CHN2: variants seen among roughly 807,000 people sequenced by gnomAD.
CHN2 encodes the protein chimerin 2.
Under a neutral mutation model 56.3 loss-of-function variants are expected in CHN2, and 35 were observed. The observed-to-expected ratio is 0.62, with a 90% confidence interval of 0.47 to 0.82. The LOEUF is 0.82. Ranked by LOEUF, CHN2 falls within the 40% of genes least tolerant of loss-of-function variation. The pLI, the probability that CHN2 is intolerant of heterozygous loss-of-function variation, is 0.00. For missense variants in CHN2, 491 were observed against 580.5 expected (o/e 0.85, Z 1.58); for synonymous variants, 210 against 212.8 (o/e 0.99, Z 0.12).
At chr7:29,249,928 T>C (rs1788364580) in intron 1 of CHN2, among the ~76,000 whole-genome samples, 1 of 152,254 alleles carries the variant, frequency 6.6e-6, no homozygotes, top group Admixed American at 6.5e-5. Context: ...ATTTTAGTTG[T>C]AAAACCATAT....
intron 6 of CHN2, among the ~76,000 whole-genome samples, chr7:29,412,198 C>G (rs1803279219): frequency 6.6e-6 from 1 of 152,138 alleles, no homozygotes; most frequent in Non-Finnish European, 1.5e-5. Context: ...TGGGAAATAA[C>G]CCAGAAGCCA....
chr7:29,297,744 G>C (rs564257902), intron 1 of CHN2, among the ~76,000 whole-genome samples: 1 of 152,134 alleles, frequency 6.6e-6, no homozygotes, highest in East Asian at 1.9e-4. Flanking sequence ...ACTAGTTTAA[G>C]GCTTGGGAAA....
intron 6 of CHN2, among the ~76,000 whole-genome samples, chr7:29,475,103 T>C (rs141336267): frequency 2.8e-4 from 43 of 152,278 alleles, no homozygotes; most frequent in African/African-American, 8.7e-4. Flanking sequence ...CCTTTCCTCC[T>C]TGTCTATATC....
chr7:29,439,395 C>G (rs1374965463), intron 6 of CHN2, among the ~76,000 whole-genome samples: 1 of 152,208 alleles, frequency 6.6e-6, no homozygotes, highest in African/African-American at 2.4e-5. Flanking sequence ...TTCCTTGACT[C>G]TGCCATGTTC....
chr7:29,401,289 G>A (rs1164322063), intron 6 of CHN2: 1 of 155,538 alleles, frequency 6.4e-6, no homozygotes, highest in African/African-American at 2.4e-5. Flanking sequence ...AAATCTTCTA[G>A]GTCAGCCCCC....
chr7:29,228,352 A>G (rs918799677), intron 1 of CHN2, among the ~76,000 whole-genome samples: 1 of 152,120 alleles, frequency 6.6e-6, no homozygotes, highest in Non-Finnish European at 1.5e-5. Context: ...AATACTTTCC[A>G]TTGTGCTGTA....
chr7:29,450,562 G>A (rs963613151), intron 6 of CHN2, among the ~76,000 whole-genome samples: 1 of 152,182 alleles, frequency 6.6e-6, no homozygotes, highest in Admixed American at 6.5e-5. Flanking sequence ...GAAGCTGGAG[G>A]AGGCCTGGAA....
intron 1 of CHN2, among the ~76,000 whole-genome samples, chr7:29,306,874 C>T (rs571484543): frequency 1.3e-5 from 2 of 152,326 alleles, no homozygotes; most frequent in African/African-American, 4.8e-5. Flanking sequence ...GATTCCTGTC[C>T]TCTAACACAA....
At chr7:29,340,756 A>T (rs1226034037) in intron 1 of CHN2, among the ~76,000 whole-genome samples, 1 of 152,230 alleles carries the variant, frequency 6.6e-6, no homozygotes, top group Non-Finnish European at 1.5e-5. Context: ...GGCATAAAGC[A>T]TGTCCTCATT....
chr7:29,472,994 T>C (rs1431871363), intron 6 of CHN2, among the ~76,000 whole-genome samples: 1 of 152,202 alleles, frequency 6.6e-6, no homozygotes, highest in Non-Finnish European at 1.5e-5. Flanking sequence ...TAGGTCATAA[T>C]TTTAAAATCA....
At chr7:29,419,098 G>A (rs2128104155) in intron 6 of CHN2, among the ~76,000 whole-genome samples, 1 of 135,788 alleles carries the variant, frequency 7.4e-6, no homozygotes, top group African/African-American at 2.4e-5. Context: ...AGTCTTGGGT[G>A]TGCCTGTGTA....
At chr7:29,441,487 G>A (rs185207756) in intron 6 of CHN2, among the ~76,000 whole-genome samples, 1 of 152,190 alleles carries the variant, frequency 6.6e-6, no homozygotes, top group Non-Finnish European at 1.5e-5. Flanking sequence ...TAAAACTTTT[G>A]TACATCAAAG....
intron 1 of CHN2, among the ~76,000 whole-genome samples, chr7:29,202,651 G>A (rs906489787): frequency 6.6e-6 from 1 of 152,196 alleles, no homozygotes; most frequent in African/African-American, 2.4e-5. Flanking sequence ...AAGCACTTGG[G>A]TGATAACCTT....
chr7:29,253,669 T>C (rs977246326), intron 1 of CHN2, among the ~76,000 whole-genome samples: 10 of 152,196 alleles, frequency 6.6e-5, no homozygotes, highest in African/African-American at 2.4e-4. Context: ...CTCAAAGCAT[T>C]GACAGTTTAT....
intron 6 of CHN2, among the ~76,000 whole-genome samples, chr7:29,439,466 C>G (rs889053043): frequency 2.6e-5 from 4 of 152,200 alleles, no homozygotes; most frequent in Non-Finnish European, 4.4e-5. Context: ...TTCTTCCCCA[C>G]AAGATCTTTC....
At chr7:29,175,785 A>C (rs1463378822) in intron 2 of CHN2, among the ~76,000 whole-genome samples, 1 of 152,200 alleles carries the variant, frequency 6.6e-6, no homozygotes, top group Admixed American at 6.5e-5. Flanking sequence ...AAAAATATGA[A>C]AGAAGGGTTA....
intron 1 of CHN2, among the ~76,000 whole-genome samples, chr7:29,214,049 T>G (rs2128783699): frequency 6.6e-6 from 1 of 152,330 alleles, no homozygotes; most frequent in East Asian, 1.9e-4. Flanking sequence ...TTCTCCTTCC[T>G]GATTCCAAAG....
At chr7:29,240,861 C>T (rs1347151117) in intron 1 of CHN2, among the ~76,000 whole-genome samples, 2 of 151,406 alleles carry the variant, frequency 1.3e-5, no homozygotes, top group Non-Finnish European at 2.9e-5. Flanking sequence ...CTTCTTTCTT[C>T]TTTCTTCTTC....
intron 1 of CHN2, among the ~76,000 whole-genome samples, chr7:29,275,945 G>A (rs1425439249): frequency 2.0e-5 from 3 of 152,098 alleles, no homozygotes; most frequent in African/African-American, 7.2e-5. Flanking sequence ...TGTGATACCT[G>A]TTGGGTACTA....
Sources: allele counts gnomAD v4.1 joint callset (sites outside exome capture counted in the v4.1 genomes callset), GRCh38; gene constraint gnomAD v4.1.1; transcripts MANE v1.5; gene names NCBI Gene and HGNC (gene_info 2026-07-23, HGNC 2026-07-21).